The following COL4A4 variants were observed in gnomAD, a reference collection of about 807,000 sequenced individuals.
COL4A4 encodes the protein collagen type IV alpha 4 chain, also known as collagen alpha-4(IV) chain.
In COL4A4, 105 loss-of-function variants were observed where a neutral mutation model predicts 192.9. The ratio of observed to expected loss-of-function variants is 0.54; its 90% CI spans 0.46 to 0.64. The LOEUF (loss-of-function observed/expected upper bound fraction) is 0.64. Among genes scored for constraint, COL4A4 ranks in the 30% least tolerant of loss-of-function variants. The probability of loss-of-function intolerance (pLI) is 0.00; values close to 1 mark genes in which losing one functional copy is unlikely to be tolerated. For missense variants in COL4A4, 1,967 were observed against 2,169.3 expected (o/e 0.91, Z 1.85); for synonymous variants, 762 against 769.9 (o/e 0.99, Z 0.17).
chr2:227,028,090 C>G (rs1275943211), intron 41 of COL4A4, 81 bp from the exon 42 acceptor site: 7 of 985,160 alleles, frequency 7.1e-6, no homozygotes, highest in Admixed American at 2.1e-5. Flanking sequence ...AGACTGAATT[C>G]AGAGATTCAC....
At chr2:227,018,365 C>T (rs1300770914) in intron 44 of COL4A4, among the ~76,000 whole-genome samples, 1 of 152,212 alleles carries the variant, frequency 6.6e-6, no homozygotes, top group Non-Finnish European at 1.5e-5. Context: ...CTACAGATGG[C>T]CCAGGTCAGC....
chr2:227,150,358 AAG>A (rs2063844193), intron 1 of COL4A4, among the ~76,000 whole-genome samples: 1 of 152,140 alleles, frequency 6.6e-6, no homozygotes, highest in African/African-American at 2.4e-5. Context: ...GAATCAATTT[AAG>A]TAATTATGCA....
chr2:227,041,856 A>AAGAGAGAGAGAGAG (rs1237060194), intron 37 of COL4A4, among the ~76,000 whole-genome samples: 27 of 96,976 alleles, frequency 2.8e-4, no homozygotes, highest in South Asian at 3.7e-4. Flanking sequence ...AAGAGAAAGA[A>AAGAGAGAGAGAGAG]AGAAAGAAAG....
Position 227,032,263 on chromosome 2 carries a change from C to T in COL4A4, c.3591G>A (p.Val1197=), listed in dbSNP as rs542500936. 1 of 1,613,764 alleles carries T rather than the reference C, an allele frequency of 6.2e-7. No homozygotes were observed. Among genetic ancestry groups the T allele is most frequent in the East Asian group, 2.2e-5 (1 of 44,880 alleles). The change falls in exon 39 of 48, where the codon GTG becomes GTA. Residue 1197 remains valine (V), a synonymous_variant. Transcript: ENST00000396625. ...GTATTCCCACTGGACCAGGTGGCCC[C>T]ACATCATGCAAACCTTAATGGGGAA... ...GTKGASGLHD[V]GPPGPVGIPG... is the part of the protein sequence containing the mutation.
chr2:227,132,326 T>G (rs1030797793), intron 4 of COL4A4, among the ~76,000 whole-genome samples: 1 of 152,176 alleles, frequency 6.6e-6, no homozygotes, highest in Non-Finnish European at 1.5e-5. Context: ...TGTCTCTCGG[T>G]TTGGCTCTGA....
In COL4A4 at chr2:227,033,419, C is replaced by T. The variant is rs758940930; in HGVS notation, c.3568G>A (p.Gly1190Ser). The part of the protein sequence containing the change: ...HGLKGQKGTK[G>S]ASGLHDVGPP... ...TCGATTAGGTGCTTACCTGAAGCAC[C>T]TTTAGTTCCTTTCTGACCTTTCAAT... Residue 1190 changes from glycine to serine, a missense_variant, in exon 38 of 48, where the codon GGT becomes AGT. Gly to Ser is a moderately conservative substitution (Grantham distance 56, BLOSUM62 0). Coordinates refer to ENST00000396625, the MANE Select transcript of COL4A4 (RefSeq NM_000092.5). The T allele has an allele frequency of 1.2e-6, 2 of 1,613,276 alleles. No homozygotes were observed. The highest frequency in any genetic ancestry group is 1.7e-6 in the Non-Finnish European group (2 of 1,179,798).
chr2:227,088,902 A>G (rs1358878046), intron 21 of COL4A4, 86 bp from the exon 22 acceptor site: 3 of 1,489,514 alleles, frequency 2.0e-6, no homozygotes, highest in African/African-American at 2.8e-5. Context: ...CAATAGCATA[A>G]ATGAAGAACA....
At chr2:227,059,814 T>C (rs988276535) in intron 27 of COL4A4, among the ~76,000 whole-genome samples, 191 bp from the exon 28 acceptor site, 2 of 152,204 alleles carry the variant, frequency 1.3e-5, no homozygotes, top group Non-Finnish European at 2.9e-5. Context: ...GTGTTTCCTA[T>C]AAGCCAATGA....
the COL4A4 span, among the ~76,000 whole-genome samples, chr2:226,987,642 C>A: frequency 6.6e-6 from 1 of 152,220 alleles, no homozygotes; most frequent in Non-Finnish European, 1.5e-5. Context: ...TCCAGGCCCC[C>A]CTCTGGGTAC....
chr2:227,161,334 G>T (rs2064817501), intron 1 of COL4A4, among the ~76,000 whole-genome samples: 1 of 152,180 alleles, frequency 6.6e-6, no homozygotes, highest in African/African-American at 2.4e-5. Context: ...CATAGGACTT[G>T]TCAAAGACAA....
In COL4A4 at chr2:227,041,771, G is replaced by GGA. The variant is rs1559475715; in HGVS notation, c.3505+376_3505+377insTC. 2.7e-3 allele frequency among the ~76,000 whole-genome samples: 262 copies of GGA among 97,938 alleles called. 4 individuals carry two copies. Among genetic ancestry groups the GGA allele is most frequent in the Middle Eastern group, 8.3e-3 (2 of 240 alleles). 64.3% of individuals were successfully genotyped at this position (97,938 alleles called of 152,430 possible). On this transcript the variant is annotated intron_variant, in intron 37 of 47. Transcript: ENST00000396625. The stretch of plus-strand genomic sequence containing the variant: ...GGAAGGAAGGAAGGAAGGAAGGAAG[G>GGA]AAGGAAGGAAGGAAGGGAAAGAAAG...
At chr2:227,119,730 A>G (rs1340937246) in intron 6 of COL4A4, among the ~76,000 whole-genome samples, 165 bp downstream of exon 6, 2 of 148,718 alleles carry the variant, frequency 1.3e-5, no homozygotes, top group Admixed American at 1.3e-4. Flanking sequence ...AGATATATAT[A>G]TATTACGTTG....
At chr2:227,103,303 A>G in intron 13 of COL4A4, 106 bp from the exon 14 acceptor site, 1 of 896,892 alleles carries the variant, frequency 1.1e-6, no homozygotes, top group Non-Finnish European at 1.8e-6. Context: ...CACCTTAAAA[A>G]AAAAAATCTT....
In COL4A4 at chr2:227,062,236, CA is replaced by C. The variant is rs56292638; in HGVS notation, c.2056+293del. The stretch of plus-strand genomic sequence containing the variant: ...CGGGAGACAAAGTGAGACTCCGTCT[CA>C]AAAAAAAAAAAAAAACTTTCAAGGG... On this transcript the variant is annotated intron_variant, in intron 26 of 47. Transcript: ENST00000396625. Among the ~76,000 whole-genome samples, 11,319 of 132,746 alleles carry C rather than the reference CA, an allele frequency of 0.085. 400 individuals carry two copies. The highest frequency in any genetic ancestry group is 0.21 in the East Asian group (864 of 4,170). The allele number at this position is 132,746 out of a possible 152,430, so 87.1% of individuals were successfully genotyped here. A position where few individuals can be genotyped will look rare whatever the true frequency, so the allele number is the denominator to read the frequency against.
intron 37 of COL4A4, among the ~76,000 whole-genome samples, chr2:227,037,883 G>A (rs1394182433): frequency 1.3e-5 from 2 of 152,154 alleles, no homozygotes; most frequent in East Asian, 3.8e-4. Context: ...CCGCATAAAT[G>A]TCTTTTTGAG....
At chr2:227,081,477 C>T (rs116494075) in intron 23 of COL4A4, among the ~76,000 whole-genome samples, 2,649 of 152,256 alleles carry the variant, frequency 0.017, 43 homozygotes, top group South Asian at 0.039. Flanking sequence ...AGACTGAGGG[C>T]CACACTGTTG....
chr2:227,046,916 C>G (rs1056290619), intron 35 of COL4A4, among the ~76,000 whole-genome samples: 2 of 152,034 alleles, frequency 1.3e-5, no homozygotes, highest in African/African-American at 4.8e-5. Context: ...AAGCAAAATA[C>G]TGTTTAAAAT....
In COL4A4 at chr2:227,005,056, C is replaced by T. The variant is rs528672836; in HGVS notation, c.*2269G>A. ...AAGTTATTTTTCCGCCCTTTTGATC[C>T]TTTAAAATACTTTTGTAAAATTAGA... On this transcript the variant is annotated 3_prime_UTR_variant, in exon 48 of 48. Transcript: ENST00000396625. 1 of 152,226 alleles carries T rather than the reference C, an allele frequency of 6.6e-6. No homozygotes were observed. Among genetic ancestry groups the T allele is most frequent in the Admixed American group, 6.5e-5 (1 of 15,298 alleles). 9.4% of individuals were successfully genotyped at this position (152,226 alleles called of 1,614,324 possible).
chr2:227,147,268 G>A (rs766925993), intron 2 of COL4A4, 145 bp downstream of exon 2: 4 of 795,630 alleles, frequency 5.0e-6, no homozygotes, highest in Non-Finnish European at 6.7e-6. Flanking sequence ...ATAAAAATGA[G>A]TCATGAAATG....
Sources: allele counts gnomAD v4.1 joint callset (sites outside exome capture counted in the v4.1 genomes callset), GRCh38; gene constraint gnomAD v4.1.1; transcripts MANE v1.5; gene names NCBI Gene and HGNC (gene_info 2026-07-23, HGNC 2026-07-21).